AGBL4: variants seen among roughly 807,000 people sequenced by gnomAD.
The protein encoded by AGBL4 is AGBL carboxypeptidase 4.
AGBL4 carries 58 observed loss-of-function variants against 66.4 expected under a neutral mutation model. The observed-to-expected ratio is 0.87, with a 90% confidence interval of 0.71 to 1.09. AGBL4 has a LOEUF of 1.09. Among genes scored for constraint, AGBL4 ranks in the 50% least tolerant of loss-of-function variants. AGBL4 has a pLI of 0.00. For missense variants in AGBL4, 579 were observed against 631.0 expected (o/e 0.92, Z 0.88); for synonymous variants, 234 against 222.9 (o/e 1.05, Z -0.44).
intron 5 of AGBL4, among the ~76,000 whole-genome samples, chr1:49,014,687 G>T (rs1045680633): frequency 6.6e-6 from 1 of 152,112 alleles, no homozygotes; most frequent in Non-Finnish European, 1.5e-5. Context: ...TAAAGCTCTA[G>T]CTGCTTTGCT....
chr1:49,568,487 TCACACA>T lies in AGBL4; in HGVS notation c.282+128820_282+128825del, dbSNP rs71059555. Among the ~76,000 whole-genome samples the T allele has an allele frequency of 2.3e-3, 297 of 131,282 alleles. 1 individual carries two copies. The highest frequency in any genetic ancestry group is 7.9e-3 in the African/African-American group (275 of 34,996). The allele number at this position is 131,282 out of a possible 152,430, so 86.1% of individuals were successfully genotyped here. A position where few individuals can be genotyped will look rare whatever the true frequency, so the allele number is the denominator to read the frequency against. ...AAACACTGCTCAAAGAAATAAGTGATCACACACACACACACACACACACACACACAC... is the reference window on the plus strand; with the variant it reads ...AAACACTGCTCAAAGAAATAAGTGATCACACACACACACACACACACACAC... On this transcript the variant is annotated intron_variant, in intron 3 of 13. Transcript: ENST00000371839.
rs142872921 is a variant in AGBL4 at position 49,523,998 on chromosome 1, C to T, written c.282+173315G>A. 2.8e-3 allele frequency among the ~76,000 whole-genome samples: 425 copies of T among 151,868 alleles called. 2 individuals are homozygous for T. The highest frequency in any genetic ancestry group is 4.1e-3 in the Non-Finnish European group (282 of 67,978). ...ATCATCATCATCATCATGAAGACAG[C>T]ACTAACAATTTCTTGAGTGCTTGCT... On this transcript the variant is annotated intron_variant, in intron 3 of 13. Transcript: ENST00000371839.
intron 3 of AGBL4, among the ~76,000 whole-genome samples, chr1:49,508,647 T>C (rs1457194482): frequency 1.3e-5 from 2 of 151,880 alleles, no homozygotes; most frequent in African/African-American, 4.8e-5. Flanking sequence ...TATTCATGGG[T>C]TTAAATCCCT....
At chr1:48,564,441 G>A (rs1644443536) in intron 11 of AGBL4, among the ~76,000 whole-genome samples, 1 of 150,320 alleles carries the variant, frequency 6.7e-6, no homozygotes, top group Non-Finnish European at 1.5e-5. Flanking sequence ...GATGACATGG[G>A]GGCTCCTGGA....
At chr1:48,757,673 T>C (rs1350621447) in intron 6 of AGBL4, among the ~76,000 whole-genome samples, 1 of 152,192 alleles carries the variant, frequency 6.6e-6, no homozygotes, top group South Asian at 2.1e-4. Flanking sequence ...GGGATATACT[T>C]TAAGAAGCAA....
At chr1:49,404,442 A>G (rs1645153410) in intron 3 of AGBL4, among the ~76,000 whole-genome samples, 1 of 152,152 alleles carries the variant, frequency 6.6e-6, no homozygotes, top group Non-Finnish European at 1.5e-5. Context: ...CTGTTCTTTA[A>G]GCCATCCAGT....
chr1:48,749,569 A>G (rs1024782832), intron 6 of AGBL4, among the ~76,000 whole-genome samples: 2 of 152,138 alleles, frequency 1.3e-5, no homozygotes, highest in African/African-American at 4.8e-5. Flanking sequence ...AATGAACTGT[A>G]CTTTCCAGAG....
At chr1:48,737,867 G>A (rs1375567619) in intron 6 of AGBL4, among the ~76,000 whole-genome samples, 3 of 152,168 alleles carry the variant, frequency 2.0e-5, no homozygotes, top group African/African-American at 7.2e-5. Flanking sequence ...AATGGCCTCT[G>A]TGGGGACAGA....
intron 1 of AGBL4, among the ~76,000 whole-genome samples, chr1:49,979,028 T>A (rs980999682): frequency 6.6e-6 from 1 of 152,222 alleles, no homozygotes; most frequent in East Asian, 1.9e-4. Context: ...AGATGAACAA[T>A]GTGGCCTAGA....
At chr1:49,919,880 C>T (rs1016749412) in intron 1 of AGBL4, among the ~76,000 whole-genome samples, 15 of 152,126 alleles carry the variant, frequency 9.9e-5, no homozygotes, top group Non-Finnish European at 2.2e-4. Flanking sequence ...GGTAGTGGTA[C>T]CAAAACAGAG....
chr1:49,175,779 T>C (rs1269465180), intron 4 of AGBL4, among the ~76,000 whole-genome samples: 1 of 152,148 alleles, frequency 6.6e-6, no homozygotes, highest in Non-Finnish European at 1.5e-5. Flanking sequence ...TGTCCTAAGT[T>C]CAAATCAAGG....
intron 6 of AGBL4, among the ~76,000 whole-genome samples, chr1:48,763,179 A>G (rs1312570242): frequency 1.3e-5 from 2 of 152,190 alleles, no homozygotes; most frequent in Admixed American, 6.5e-5. Flanking sequence ...CTGCTCAGAA[A>G]AAAAAGAGGT....
intron 3 of AGBL4, among the ~76,000 whole-genome samples, chr1:49,647,490 G>A (rs1645912460): frequency 6.6e-6 from 1 of 151,986 alleles, no homozygotes; most frequent in Non-Finnish European, 1.5e-5. Context: ...GGACAACTCT[G>A]GCATTAAAAA....
intron 6 of AGBL4, among the ~76,000 whole-genome samples, chr1:48,664,126 G>C (rs1471331540): frequency 6.6e-6 from 1 of 152,184 alleles, no homozygotes; most frequent in African/African-American, 2.4e-5. Flanking sequence ...AGAGCAGAGA[G>C]GGGTATCCTG....
chr1:48,783,337 T>C (rs1380909525), intron 6 of AGBL4, among the ~76,000 whole-genome samples: 4 of 152,194 alleles, frequency 2.6e-5, no homozygotes, highest in South Asian at 2.1e-4. Context: ...TTGAGTCTGC[T>C]TGTGGGATTT....
intron 6 of AGBL4, among the ~76,000 whole-genome samples, chr1:48,778,561 G>A: frequency 6.6e-6 from 1 of 152,148 alleles, no homozygotes; most frequent in East Asian, 1.9e-4. Context: ...AACTTTAGCT[G>A]TAAGAAAAAA....
At chr1:49,566,452 A>G (rs1272918733) in intron 3 of AGBL4, among the ~76,000 whole-genome samples, 1 of 151,976 alleles carries the variant, frequency 6.6e-6, no homozygotes, top group Non-Finnish European at 1.5e-5. Flanking sequence ...GTCTTTGATG[A>G]TGGTAATGTA....
chr1:49,782,156 A>C (rs1416901046), intron 2 of AGBL4, among the ~76,000 whole-genome samples: 1 of 151,974 alleles, frequency 6.6e-6, no homozygotes, highest in Admixed American at 6.6e-5. Context: ...AAAAACAAGA[A>C]AGAAAGTCAA....
chr1:48,690,044 C>T (rs1386639099), intron 6 of AGBL4, among the ~76,000 whole-genome samples: 1 of 152,254 alleles, frequency 6.6e-6, no homozygotes, highest in Non-Finnish European at 1.5e-5. Flanking sequence ...GGTCTCCCCA[C>T]CACACCATCA....
Sources: gnomAD v4.1 joint callset for allele counts (sites outside exome capture counted in the v4.1 genomes callset) on GRCh38, gnomAD v4.1.1 for gene constraint, MANE v1.5 for transcripts, NCBI Gene and HGNC (gene_info 2026-07-23, HGNC 2026-07-21) for gene names.